GALNT14: variants seen among roughly 807,000 people sequenced by gnomAD.
GALNT14 encodes UDP-GalNAc:polypeptide N-acetylgalactosaminyltransferase 14.
A neutral mutation model predicts 77.5 loss-of-function variants in GALNT14; 60 were observed. The ratio of observed to expected loss-of-function variants is 0.77; its 90% CI spans 0.63 to 0.96. GALNT14 has a LOEUF of 0.96. GALNT14 is among the 40% of genes least tolerant of loss of function. The probability of loss-of-function intolerance (pLI) is 0.00; values close to 1 mark genes in which losing one functional copy is unlikely to be tolerated. For synonymous variants in GALNT14, 280 were observed against 281.7 expected (o/e 0.99, Z 0.06); for missense variants, 710 against 731.0 (o/e 0.97, Z 0.33).
intron 4 of GALNT14, 141 bp downstream of exon 4, chr2:30,958,256 G>A (rs1252421991): frequency 1.6e-5 from 10 of 609,440 alleles, no homozygotes; most frequent in East Asian, 2.9e-5. Context: ...GCCTAGCCAC[G>A]GACGCTCAAA....
At chr2:31,077,413 T>G (rs528033509) in intron 1 of GALNT14, among the ~76,000 whole-genome samples, 80 of 152,350 alleles carry the variant, frequency 5.3e-4, no homozygotes, top group African/African-American at 1.9e-3. Context: ...TCTCTCCATT[T>G]TAACATCTGT....
chr2:30,987,647 C>T (rs1020805839), intron 2 of GALNT14, among the ~76,000 whole-genome samples: 3 of 152,144 alleles, frequency 2.0e-5, no homozygotes, highest in African/African-American at 7.2e-5. Flanking sequence ...ACCGCCGGTG[C>T]ATCTGGGGAT....
At chr2:30,971,494 T>C (rs1009656921) in intron 2 of GALNT14, among the ~76,000 whole-genome samples, 3 of 152,086 alleles carry the variant, frequency 2.0e-5, no homozygotes, top group Non-Finnish European at 4.4e-5. Flanking sequence ...GAGGAAGGCA[T>C]GCTTTTCTAA....
At chr2:30,886,921 C>A in the GALNT14 span, among the ~76,000 whole-genome samples, 2 of 152,202 alleles carry the variant, frequency 1.3e-5, no homozygotes, top group Admixed American at 6.5e-5. Flanking sequence ...TTCCCCAAGC[C>A]CCTGGCAACT....
intron 1 of GALNT14, among the ~76,000 whole-genome samples, chr2:31,079,429 C>A (rs138962031): frequency 2.0e-5 from 3 of 152,184 alleles, no homozygotes; most frequent in African/African-American, 7.2e-5. Flanking sequence ...GCTGAGCCCT[C>A]GGACTGTCCT....
At chr2:30,958,090 G>A (rs893733919) in intron 4 of GALNT14, among the ~76,000 whole-genome samples, 1 of 152,190 alleles carries the variant, frequency 6.6e-6, no homozygotes, top group Non-Finnish European at 1.5e-5. Context: ...GTCATGGCCA[G>A]GTGACAGGAT....
intron 1 of GALNT14, among the ~76,000 whole-genome samples, chr2:30,996,407 C>A (rs1330497439): frequency 6.6e-6 from 1 of 152,242 alleles, no homozygotes; most frequent in Non-Finnish European, 1.5e-5. Context: ...TGGGAAGCGG[C>A]CTCAGCCATC....
intron 1 of GALNT14, among the ~76,000 whole-genome samples, chr2:30,999,594 T>C (rs1670236696): frequency 6.6e-6 from 1 of 152,330 alleles, no homozygotes; most frequent in East Asian, 1.9e-4. Context: ...CCCTGCCATA[T>C]GTGTGCTATG....
intron 1 of GALNT14, among the ~76,000 whole-genome samples, chr2:31,062,346 A>G (rs981454416): frequency 6.6e-6 from 1 of 152,214 alleles, no homozygotes; most frequent in African/African-American, 2.4e-5. Context: ...TTTACTGAGA[A>G]TGATGGTTTC....
At chr2:31,068,329 A>G (rs1309285435) in intron 1 of GALNT14, among the ~76,000 whole-genome samples, 3 of 152,088 alleles carry the variant, frequency 2.0e-5, no homozygotes, top group African/African-American at 7.2e-5. Context: ...TCTACTAAAA[A>G]TACAAAAATT....
At chr2:31,065,338 C>T (rs1674873798) in intron 1 of GALNT14, 1 of 152,166 alleles carries the variant, frequency 6.6e-6, no homozygotes. Flanking sequence ...TGGGTCTGTC[C>T]CAGTCCCTCC....
chr2:31,106,659 C>A (rs1000539732), intron 1 of GALNT14, among the ~76,000 whole-genome samples: 2 of 152,180 alleles, frequency 1.3e-5, no homozygotes, highest in Admixed American at 1.3e-4. Flanking sequence ...TTGTTGAGTT[C>A]TTTAAATTCA....
At chr2:31,023,883 A>G (rs1395782143) in intron 1 of GALNT14, among the ~76,000 whole-genome samples, 1 of 152,092 alleles carries the variant, frequency 6.6e-6, no homozygotes, top group Non-Finnish European at 1.5e-5. Flanking sequence ...ATTTAGTCCC[A>G]AGGATTTAGA....
intron 2 of GALNT14, among the ~76,000 whole-genome samples, chr2:30,989,693 G>GTA (rs1319334783): frequency 9.7e-5 from 12 of 123,304 alleles, no homozygotes; most frequent in African/African-American, 3.8e-4. Flanking sequence ...ATATATATTA[G>GTA]TATATATATA....
At chr2:31,055,636 G>A (rs1311238077) in intron 1 of GALNT14, among the ~76,000 whole-genome samples, 1 of 152,196 alleles carries the variant, frequency 6.6e-6, no homozygotes, top group Non-Finnish European at 1.5e-5. Context: ...AGGGCTTTGA[G>A]CAGGCTCACT....
chr2:31,024,400 C>A (rs1442511710), intron 1 of GALNT14, among the ~76,000 whole-genome samples: 1 of 152,142 alleles, frequency 6.6e-6, no homozygotes, highest in Non-Finnish European at 1.5e-5. Flanking sequence ...CAAGGCCCCA[C>A]ACACGGTGGC....
intron 1 of GALNT14, among the ~76,000 whole-genome samples, chr2:31,082,635 G>A (rs935025223): frequency 6.6e-6 from 1 of 152,182 alleles, no homozygotes; most frequent in Admixed American, 6.5e-5. Flanking sequence ...GTAAAAAATT[G>A]TAAGTGTGTG....
At chr2:31,003,381 G>T (rs1308681516) in intron 1 of GALNT14, among the ~76,000 whole-genome samples, 1 of 152,088 alleles carries the variant, frequency 6.6e-6, no homozygotes, top group Non-Finnish European at 1.5e-5. Context: ...ACCTCCTCCT[G>T]TCCCTTTTCC....
chr2:30,973,531 G>C (rs1479098219), intron 2 of GALNT14, among the ~76,000 whole-genome samples: 1 of 152,186 alleles, frequency 6.6e-6, no homozygotes, highest in East Asian at 1.9e-4. Flanking sequence ...TCTATGTAAG[G>C]AAGCCTGCTC....
Sources: gnomAD v4.1 joint callset for allele counts (sites outside exome capture counted in the v4.1 genomes callset) on GRCh38, gnomAD v4.1.1 for gene constraint, MANE v1.5 for transcripts, NCBI Gene and HGNC (gene_info 2026-07-23, HGNC 2026-07-21) for gene names.